Variants in U2SURP observed in about 807,000 individuals in gnomAD.
The protein encoded by U2SURP is U2 snRNP-associated SURP motif-containing protein.
In U2SURP, 9 loss-of-function variants were observed where a neutral mutation model predicts 144.9. The observed-to-expected ratio is 0.06, with a 90% CI of 0.04 to 0.11. The LOEUF (loss-of-function observed/expected upper bound fraction) is 0.11, where lower values mean the gene tolerates loss of function less well. U2SURP is among the 10% of genes least tolerant of loss of function. The pLI is 1.00. For synonymous variants in U2SURP, 408 were observed against 396.8 expected, an observed-to-expected ratio of 1.03 and a Z score of -0.33; for missense variants, 724 against 1,226.7, an observed-to-expected ratio of 0.59 and a Z score of 6.12.
At chr3:143,050,835 C>A in intron 24 of U2SURP, 104 bp from the exon 25 acceptor site, 1 of 707,104 alleles carries the variant, frequency 1.4e-6, no homozygotes, top group Admixed American at 2.9e-5. Flanking sequence ...TATATTTTGA[C>A]TGAGTACTAA....
intron 2 of U2SURP, chr3:143,011,815 C>G: frequency 2.6e-6 from 1 of 386,298 alleles, no homozygotes; most frequent in South Asian, 1.9e-5. Context: ...ACGTATAACA[C>G]TTATGCTTAC....
intron 1 of U2SURP, among the ~76,000 whole-genome samples, chr3:143,005,777 G>A (rs370493900): frequency 3.4e-4 from 51 of 149,978 alleles, no homozygotes; most frequent in African/African-American, 1.2e-3. Context: ...TGCCTTACTG[G>A]GTATCATTGA....
At chr3:143,039,986 A>G (rs1174771462) in intron 23 of U2SURP, among the ~76,000 whole-genome samples, 2 of 151,984 alleles carry the variant, frequency 1.3e-5, no homozygotes, top group African/African-American at 4.8e-5. Context: ...GGAATACACA[A>G]ATTGAGAACC....
intron 25 of U2SURP, among the ~76,000 whole-genome samples, chr3:143,051,800 C>G (rs954545197): frequency 6.6e-6 from 1 of 151,112 alleles, no homozygotes; most frequent in Non-Finnish European, 1.5e-5. Context: ...CTGTGTACTC[C>G]TAGGCAAGTC....
rs2108283091 is a variant in U2SURP, at chr3:143,021,335, T to C, written c.734-15T>C. The C allele has an allele frequency of 1.3e-6, 2 of 1,582,654 alleles. No individual in the cohort carries two copies. The highest frequency in any genetic ancestry group is 1.7e-6 in the Non-Finnish European group (2 of 1,162,694). ...TTATAAAAACTAATAATTGTCTTCT[T>C]TTCTCCCCTTTAAGTGGACGCGCCT... On this transcript the variant is annotated splice_polypyrimidine_tract_variant and intron_variant, in intron 8 of 27. Coordinates refer to ENST00000473835, the MANE Select transcript of U2SURP (RefSeq NM_001080415.2).
intron 17 of U2SURP, 65 bp from the exon 18 acceptor site, chr3:143,033,206 A>G: frequency 9.8e-7 from 1 of 1,022,846 alleles, no homozygotes; most frequent in Non-Finnish European, 1.5e-6. Flanking sequence ...TAGTAGCCAT[A>G]ATTAAATTAT....
At chr3:143,014,695 CTTAGA>C (rs1936276594) in intron 4 of U2SURP, among the ~76,000 whole-genome samples, 1 of 151,948 alleles carries the variant, frequency 6.6e-6, no homozygotes, top group Middle Eastern at 3.2e-3. Context: ...ACCCATTCCC[CTTAGA>C]TTAATGATAG....
chr3:143,029,468 A>G (rs562428993), intron 16 of U2SURP, among the ~76,000 whole-genome samples: 47 of 152,234 alleles, frequency 3.1e-4, no homozygotes, highest in African/African-American at 1.1e-3. Context: ...GTGATCTTTG[A>G]TTGTTTTGGG....
In U2SURP at chr3:143,016,256, G is replaced by T; in HGVS notation, c.322-1G>T. ...ATATTAATATTTTCATGTGTATTTA[G>T]GAGGATGAAAAGGCAGCTGCTGAGA... On this transcript the variant is annotated splice_acceptor_variant, in intron 4 of 27. Coordinates refer to ENST00000473835, the MANE Select transcript of U2SURP (RefSeq NM_001080415.2). LOFTEE classifies it high-confidence loss of function. 6.2e-7 allele frequency: 1 copy of T among 1,611,836 alleles called. No homozygotes were observed. Among genetic ancestry groups the T allele is most frequent in the South Asian group, 1.1e-5 (1 of 91,024 alleles).
intron 12 of U2SURP, chr3:143,023,311 T>G: frequency 2.5e-6 from 1 of 399,102 alleles, no homozygotes; most frequent in Non-Finnish European, 4.5e-6. Flanking sequence ...CTTTGTCCAG[T>G]GTTGTATCCA....
At chr3:143,030,011 G>C (rs556214079) in intron 16 of U2SURP, among the ~76,000 whole-genome samples, 2 of 152,288 alleles carry the variant, frequency 1.3e-5, no homozygotes, top group African/African-American at 4.8e-5. Flanking sequence ...AGCTAGCAGT[G>C]ATTGGTTTTT....
At chr3:143,041,875 T>C (rs1934128581) in intron 23 of U2SURP, among the ~76,000 whole-genome samples, 1 of 152,038 alleles carries the variant, frequency 6.6e-6, no homozygotes. Flanking sequence ...CAGTCAACAT[T>C]GTTTGTAAGG....
chr3:143,037,318 A>T lies in U2SURP; in HGVS notation c.2204A>T (p.Asp735Val). 6.2e-7 allele frequency: 1 copy of T among 1,612,186 alleles called. No individual in the cohort carries two copies. The highest frequency in any genetic ancestry group is 8.5e-7 in the Non-Finnish European group (1 of 1,179,038). ...GTCCCTATAAAAAGTCTTGATGATGATCTTGATGGAGTGCCTTGTAAGTTC... is the reference window on the plus strand; with the variant it reads ...GTCCCTATAAAAAGTCTTGATGATGTTCTTGATGGAGTGCCTTGTAAGTTC... ...DGVPIKSLDD[D>V]LDGVPLDATE... is the part of the protein sequence containing the mutation. The change falls in exon 21 of 28, where the codon GAT becomes GTT. Residue 735 changes from aspartate to valine, a missense_variant. Coordinates refer to ENST00000473835, the MANE Select transcript of U2SURP (RefSeq NM_001080415.2).
chr3:143,045,629 C>T (rs151149539), intron 24 of U2SURP, among the ~76,000 whole-genome samples: 2 of 152,192 alleles, frequency 1.3e-5, no homozygotes, highest in South Asian at 2.1e-4. Flanking sequence ...ATGCGATACA[C>T]GTGCATGCAC....
rs1560212586 is a variant in U2SURP, at chr3:143,057,534, G to A, written c.*1084G>A. Reference sequence around the variant, plus strand: ...AAAAAGTTGATTTAAACCATTTGCAGAGTTGAACTCTATTATGAAAATAAA... The same window carrying A: ...AAAAAGTTGATTTAAACCATTTGCAAAGTTGAACTCTATTATGAAAATAAA... On this transcript the variant is annotated 3_prime_UTR_variant, in exon 28 of 28. Coordinates refer to ENST00000473835, the MANE Select transcript of U2SURP (RefSeq NM_001080415.2). 1 of 152,126 alleles carries A rather than the reference G, an allele frequency of 6.6e-6. No homozygotes were observed. Among genetic ancestry groups the A allele is most frequent in the African/African-American group, 2.4e-5 (1 of 41,430 alleles). 9.4% of individuals were successfully genotyped at this position (152,126 alleles called of 1,614,324 possible). A position where few individuals can be genotyped will look rare whatever the true frequency, so the allele number is the denominator to read the frequency against.
intron 24 of U2SURP, among the ~76,000 whole-genome samples, chr3:143,043,537 A>G (rs1238222020): frequency 6.6e-6 from 1 of 151,940 alleles, no homozygotes; most frequent in Admixed American, 6.6e-5. Flanking sequence ...ATGTATGTGA[A>G]TGTGTATTTT....
intron 21 of U2SURP, 128 bp from the exon 22 acceptor site, chr3:143,037,980 G>A: frequency 1.8e-6 from 1 of 558,236 alleles, no homozygotes; most frequent in Non-Finnish European, 3.0e-6. Flanking sequence ...CTTGTTCTTA[G>A]TATTACTATT....
Position 143,059,498 on chromosome 3 carries a change from T to C in U2SURP, c.*3048T>C, listed in dbSNP as rs1045388377. The C allele has an allele frequency of 1.3e-5, 2 of 151,942 alleles. No homozygotes were observed. The highest frequency in any genetic ancestry group is 2.9e-5 in the Non-Finnish European group (2 of 67,830). The allele number at this position is 151,942 out of a possible 1,614,324, so 9.4% of individuals were successfully genotyped here. Reference sequence around the variant, plus strand: ...TTTATTAGAAATATTCTGTACACATTTGCCTCCATGGTGGCGTAAGTTCTG... The same window carrying C: ...TTTATTAGAAATATTCTGTACACATCTGCCTCCATGGTGGCGTAAGTTCTG... On this transcript the variant is annotated 3_prime_UTR_variant, in exon 28 of 28. Transcript: ENST00000473835.
At chr3:143,037,038 A>G (rs1323665059) in intron 20 of U2SURP, 141 bp from the exon 21 acceptor site, 21 of 775,436 alleles carry the variant, frequency 2.7e-5, no homozygotes, top group African/African-American at 3.5e-5. Context: ...AGCAAACTGG[A>G]TGATAGAATA....
Sources: gnomAD v4.1 joint callset for allele counts (sites outside exome capture counted in the v4.1 genomes callset) on GRCh38, gnomAD v4.1.1 for gene constraint, MANE v1.5 for transcripts, NCBI Gene and HGNC (gene_info 2026-07-23, HGNC 2026-07-21) for gene names.